The following MYO10 variants were observed in gnomAD, a reference collection of about 807,000 sequenced individuals.
MYO10 encodes unconventional myosin-X.
A neutral mutation model predicts 257.3 loss-of-function variants in MYO10; 133 were observed. The observed-to-expected ratio is 0.52, with a 90% confidence interval of 0.45 to 0.60. MYO10 has a LOEUF of 0.60. Ranked by LOEUF, MYO10 falls within the 20% of genes least tolerant of loss-of-function variation. The probability of loss-of-function intolerance (pLI) is 0.00; values close to 1 mark genes in which losing one functional copy is unlikely to be tolerated. For synonymous variants in MYO10, 1,104 were observed against 1,028.6 expected (o/e 1.07, Z -1.40); for missense variants, 2,399 against 2,635.7 (o/e 0.91, Z 1.97).
rs1050682748 is a variant in MYO10 at position 16,925,007 on chromosome 5, T to A, written c.21+10781A>T. ...CACCACACCTGACTAATTTTTTGTA[T>A]TTTTTAGTAGAGACAGGTTTTCACC... On this transcript the variant is annotated intron_variant, in intron 1 of 40. Transcript: ENST00000513610. Among the ~76,000 whole-genome samples the A allele has an allele frequency of 5.9e-5, 9 of 152,104 alleles. No homozygotes were observed. The South Asian group carries it at 1.5e-3, about 25-fold the overall frequency.
At chr5:16,723,143 G>A (rs905959999) in intron 19 of MYO10, among the ~76,000 whole-genome samples, 9 of 151,764 alleles carry the variant, frequency 5.9e-5, no homozygotes, top group East Asian at 1.9e-4. Flanking sequence ...TTGGGAGGCC[G>A]AGGCAGGCGG....
chr5:16,690,023 T>C, intron 27 of MYO10, 104 bp from the exon 28 acceptor site: 1 of 832,160 alleles, frequency 1.2e-6, no homozygotes, highest in Non-Finnish European at 2.0e-6. Context: ...GAACTGTCTG[T>C]TACTGACGAA....
At chr5:16,878,033 T>C (rs1474351202) in intron 1 of MYO10, among the ~76,000 whole-genome samples, 1 of 152,202 alleles carries the variant, frequency 6.6e-6, no homozygotes, top group African/African-American at 2.4e-5. Context: ...ATTCCCATTT[T>C]ACAGATGGAG....
At chr5:16,719,539 T>C (rs950639022) in intron 19 of MYO10, among the ~76,000 whole-genome samples, 1 of 152,254 alleles carries the variant, frequency 6.6e-6, no homozygotes, top group Non-Finnish European at 1.5e-5. Flanking sequence ...TGAATACATG[T>C]TATAATTTAT....
chr5:16,713,148 C>T (rs549462003), intron 19 of MYO10, among the ~76,000 whole-genome samples: 13 of 152,294 alleles, frequency 8.5e-5, no homozygotes, highest in African/African-American at 2.4e-4. Flanking sequence ...TCACTTGATG[C>T]GCAAAGACTT....
chr5:16,684,174 A>T (rs1737136656), intron 29 of MYO10, among the ~76,000 whole-genome samples: 1 of 152,050 alleles, frequency 6.6e-6, no homozygotes. Context: ...TTACCTCTTA[A>T]CCTTTCAATA....
Position 16,817,756 on chromosome 5 carries a change from A to T in MYO10, c.279+253T>A, listed in dbSNP as rs370711150. Among the ~76,000 whole-genome samples the T allele has an allele frequency of 3.2e-4, 49 of 152,358 alleles. 1 individual carries two copies. The highest frequency in any genetic ancestry group is 1.0e-3 in the African/African-American group (42 of 41,572). On this transcript the variant is annotated intron_variant, in intron 3 of 40. Transcript: ENST00000513610. Reference sequence around the variant, plus strand: ...AACACAACACAGCGTATTCACAAGCAGCAAGGTCAAACTACCTCGATGTGC... The same window carrying T: ...AACACAACACAGCGTATTCACAAGCTGCAAGGTCAAACTACCTCGATGTGC...
At chr5:16,870,216 CA>C (rs943130108) in intron 2 of MYO10, among the ~76,000 whole-genome samples, 1 of 80,978 alleles carries the variant, frequency 1.2e-5, no homozygotes, top group Non-Finnish European at 2.5e-5. Context: ...CTTCGAAGTG[CA>C]AGAAAAAAAC....
chr5:16,821,428 CTTTCCTCCTATTTTCTTTTTTTTTTTT>C (rs1302990063), intron 2 of MYO10, among the ~76,000 whole-genome samples: 16 of 142,588 alleles, frequency 1.1e-4, no homozygotes, highest in African/African-American at 4.0e-4. Flanking sequence ...ATTTGACTTC[CTTTCCTCCTATTTTCTTTTTTTTTTTT>C]TTTTTTTTTT....
In MYO10 at chr5:16,683,889, C is replaced by A. The variant is rs1163149044; in HGVS notation, c.4037G>T (p.Ser1346Ile). 1 of 1,613,642 alleles carries A rather than the reference C, an allele frequency of 6.2e-7. No homozygotes were observed. The highest frequency in any genetic ancestry group is 1.3e-5 in the African/African-American group (1 of 74,920). Residue 1346 changes from serine (S) to isoleucine (I), a missense_variant, in exon 30 of 41, where the codon AGC becomes ATC. Coordinates refer to ENST00000513610, the MANE Select transcript of MYO10 (RefSeq NM_012334.3). Reference protein sequence around the residue: ...GLIDSVCASDSPDRPNSFVII... With the variant: ...GLIDSVCASDIPDRPNSFVII... The stretch of plus-strand genomic sequence containing the variant: ...CCACATCTGAGCTTACCTATCAGGG[C>A]TGTCAGAGGCACACACAGAATCAAT...
chr5:16,801,671 G>A (rs765004760), intron 3 of MYO10, among the ~76,000 whole-genome samples: 12 of 151,968 alleles, frequency 7.9e-5, no homozygotes, highest in East Asian at 1.9e-4. Context: ...ACCATATTTC[G>A]TACTCTAAAC....
intron 2 of MYO10, among the ~76,000 whole-genome samples, chr5:16,865,751 C>T (rs1744225913): frequency 6.6e-6 from 1 of 151,584 alleles, no homozygotes; most frequent in African/African-American, 2.4e-5. Context: ...GTGGAGGTTG[C>T]AGTGAGCCAA....
At chr5:16,876,704 G>A (rs1221147475) in intron 2 of MYO10, among the ~76,000 whole-genome samples, 4 of 152,116 alleles carry the variant, frequency 2.6e-5, no homozygotes, top group Non-Finnish European at 5.9e-5. Flanking sequence ...ACAGGTGCCT[G>A]CCACCACAGC....
chr5:16,698,241 C>A (rs1561189974), intron 26 of MYO10, among the ~76,000 whole-genome samples: 1 of 152,070 alleles, frequency 6.6e-6, no homozygotes, highest in Non-Finnish European at 1.5e-5. Context: ...TGTGCGCCTG[C>A]AGTCCTAGCT....
intron 10 of MYO10, 77 bp downstream of exon 10, chr5:16,768,997 T>G: frequency 6.7e-7 from 1 of 1,499,556 alleles, no homozygotes; most frequent in Non-Finnish European, 8.9e-7. Context: ...TCTGAAAGGC[T>G]AGACAGTCAA....
chr5:16,730,918 G>A (rs544725436), intron 19 of MYO10, among the ~76,000 whole-genome samples: 6 of 152,296 alleles, frequency 3.9e-5, no homozygotes, highest in African/African-American at 9.6e-5. Context: ...AGGTGAGGTC[G>A]TGGGCTGTCA....
chr5:16,887,614 C>T (rs1226894036), intron 1 of MYO10, among the ~76,000 whole-genome samples: 1 of 152,156 alleles, frequency 6.6e-6, no homozygotes, highest in Non-Finnish European at 1.5e-5. Context: ...CCTCAGCCTC[C>T]CAAGTAGCTG....
intron 2 of MYO10, among the ~76,000 whole-genome samples, chr5:16,863,280 C>A (rs1386530150): frequency 6.6e-6 from 1 of 152,222 alleles, no homozygotes; most frequent in African/African-American, 2.4e-5. Context: ...CCTCCCCACC[C>A]ATCCACCCAC....
intron 27 of MYO10, among the ~76,000 whole-genome samples, chr5:16,691,520 G>A (rs1737503059): frequency 6.6e-6 from 1 of 151,690 alleles, no homozygotes; most frequent in Non-Finnish European, 1.5e-5. Flanking sequence ...CCAACATGGT[G>A]AAATCCCGTC....
Sources: gnomAD v4.1 joint callset for allele counts (sites outside exome capture counted in the v4.1 genomes callset) on GRCh38, gnomAD v4.1.1 for gene constraint, MANE v1.5 for transcripts, NCBI Gene and HGNC (gene_info 2026-07-23, HGNC 2026-07-21) for gene names.